Variants in CPED1 observed in about 807,000 individuals in gnomAD.
CPED1 encodes cadherin-like and PC-esterase domain-containing protein 1.
Under a neutral mutation model 128.2 loss-of-function variants are expected in CPED1, and 114 were observed. That is an observed-to-expected ratio of 0.89 (90% CI 0.76 to 1.04). The LOEUF is 1.04. Ranked by LOEUF, CPED1 falls within the 50% of genes least tolerant of loss-of-function variation. The pLI is 0.00. For synonymous variants in CPED1, 462 were observed against 426.7 expected (o/e 1.08, Z -1.02); for missense variants, 1,211 against 1,207.1 (o/e 1.00, Z -0.05).
intron 5 of CPED1, among the ~76,000 whole-genome samples, 189 bp from the exon 6 acceptor site, chr7:121,097,510 T>C (rs955097585): frequency 3.9e-5 from 6 of 152,154 alleles, no homozygotes; most frequent in African/African-American, 1.4e-4. Flanking sequence ...TAAGAGAACA[T>C]ATGGCAAACA....
chr7:121,275,237 C>T (rs1479749461), intron 22 of CPED1, among the ~76,000 whole-genome samples: 1 of 152,198 alleles, frequency 6.6e-6, no homozygotes. Context: ...GTGTTTCTTT[C>T]ATCCGTCAAG....
intron 22 of CPED1, among the ~76,000 whole-genome samples, chr7:121,273,258 C>T (rs1301768250): frequency 1.3e-5 from 2 of 151,924 alleles, no homozygotes; most frequent in East Asian, 3.9e-4. Context: ...TGTGGTAGCT[C>T]ACACCTGTAA....
At chr7:121,070,876 T>C (rs1793970744) in intron 5 of CPED1, among the ~76,000 whole-genome samples, 3 of 152,146 alleles carry the variant, frequency 2.0e-5, no homozygotes, top group African/African-American at 7.2e-5. Context: ...AGCAAGTTTA[T>C]TAGGTCTGCT....
intron 22 of CPED1, among the ~76,000 whole-genome samples, chr7:121,286,061 A>G (rs189169715): frequency 6.6e-6 from 1 of 152,290 alleles, no homozygotes; most frequent in East Asian, 1.9e-4. Flanking sequence ...AAACTTAACA[A>G]TCATAGTGGA....
intron 16 of CPED1, among the ~76,000 whole-genome samples, chr7:121,161,276 T>A (rs1327294348): frequency 6.6e-6 from 1 of 152,070 alleles, no homozygotes; most frequent in Non-Finnish European, 1.5e-5. Flanking sequence ...CTCACTGGGG[T>A]TGCTGGCAGA....
intron 2 of CPED1, 22 bp downstream of exon 2, chr7:120,989,892 C>T (rs371277905): frequency 3.7e-6 from 6 of 1,612,264 alleles, no homozygotes; most frequent in Admixed American, 3.3e-5. Context: ...ATAAGCTTAA[C>T]GGAGACAGTT....
chr7:121,285,813 CCAAA>C (rs1049458716), intron 22 of CPED1, among the ~76,000 whole-genome samples: 1 of 152,154 alleles, frequency 6.6e-6, no homozygotes, highest in Non-Finnish European at 1.5e-5. Flanking sequence ...CTAGGAAGTT[CCAAA>C]CATTTTCCTG....
At chr7:121,097,871 T>G in intron 6 of CPED1, 40 bp downstream of exon 6, 8 of 1,606,252 alleles carry the variant, frequency 5.0e-6, no homozygotes, top group Non-Finnish European at 6.8e-6. Flanking sequence ...CAGCATGCAT[T>G]GTAGGAGACA....
intron 2 of CPED1, among the ~76,000 whole-genome samples, chr7:121,002,554 T>A (rs543270623): frequency 6.6e-6 from 1 of 152,318 alleles, no homozygotes; most frequent in African/African-American, 2.4e-5. Context: ...CTTATCTAAG[T>A]ATTTTAGAAC....
chr7:121,189,760 TTATATATATA>T lies in CPED1; in HGVS notation c.2056-46925_2056-46916del, dbSNP rs377035175. On this transcript the variant is annotated intron_variant, in intron 16 of 22. Transcript: ENST00000310396. ...TCTTATTTTACTTTCTTATGAGGTT[TTATATATATA>T]TATATATATATATATATATATATAT... Among the ~76,000 whole-genome samples, 115 of 47,474 alleles carry T rather than the reference TTATATATATA, an allele frequency of 2.4e-3. 5 individuals are homozygous for T. Among genetic ancestry groups the T allele is most frequent in the African/African-American group, 7.9e-3 (98 of 12,338 alleles). The allele number at this position is 47,474 out of a possible 152,430, so 31.1% of individuals were successfully genotyped here.
intron 11 of CPED1, among the ~76,000 whole-genome samples, chr7:121,129,506 A>C (rs1795610432): frequency 6.6e-6 from 1 of 151,402 alleles, no homozygotes; most frequent in East Asian, 1.9e-4. Flanking sequence ...CATTTTAACT[A>C]TTTTAAACGT....
chr7:121,172,003 G>T (rs1165575396), intron 16 of CPED1, among the ~76,000 whole-genome samples: 1 of 152,120 alleles, frequency 6.6e-6, no homozygotes, highest in Non-Finnish European at 1.5e-5. Flanking sequence ...GAATAGGAAG[G>T]CGCTGAGGTG....
At chr7:121,073,820 T>A (rs967050106) in intron 5 of CPED1, among the ~76,000 whole-genome samples, 1 of 151,812 alleles carries the variant, frequency 6.6e-6, no homozygotes. Flanking sequence ...TTTTTTTTTT[T>A]TTTTTTGCCA....
At chr7:121,223,417 T>C (rs1193715574) in intron 16 of CPED1, among the ~76,000 whole-genome samples, 2 of 152,194 alleles carry the variant, frequency 1.3e-5, no homozygotes, top group Admixed American at 1.3e-4. Context: ...TCTACAATTC[T>C]CTTTTTTTGT....
At chr7:121,028,115 G>A (rs1792641620) in intron 3 of CPED1, among the ~76,000 whole-genome samples, 1 of 152,162 alleles carries the variant, frequency 6.6e-6, no homozygotes, top group Non-Finnish European at 1.5e-5. Flanking sequence ...GCATGCGTCA[G>A]TGTTCTCTGG....
chr7:121,266,915 A>G (rs1792138600), intron 20 of CPED1, 107 bp downstream of exon 20: 1 of 775,482 alleles, frequency 1.3e-6, no homozygotes, highest in African/African-American at 1.8e-5. Flanking sequence ...CTTATAATTT[A>G]TCATTAAGTA....
intron 16 of CPED1, among the ~76,000 whole-genome samples, chr7:121,155,952 T>C (rs1012282407): frequency 2.6e-5 from 4 of 152,140 alleles, no homozygotes; most frequent in Non-Finnish European, 4.4e-5. Context: ...AGTGTCCATA[T>C]AACAAGGATT....
chr7:120,992,341 A>G (rs1272960924), intron 2 of CPED1, among the ~76,000 whole-genome samples: 3 of 152,170 alleles, frequency 2.0e-5, no homozygotes, highest in African/African-American at 7.2e-5. Context: ...AGTTACTTAA[A>G]CCAGCTGATT....
At chr7:121,185,145 T>A (rs1328996572) in intron 16 of CPED1, among the ~76,000 whole-genome samples, 1 of 152,104 alleles carries the variant, frequency 6.6e-6, no homozygotes, top group Non-Finnish European at 1.5e-5. Context: ...CAAAGCAGAA[T>A]CAAATTCTCC....
Sources: allele counts gnomAD v4.1 joint callset (sites outside exome capture counted in the v4.1 genomes callset), GRCh38; gene constraint gnomAD v4.1.1; transcripts MANE v1.5; gene names NCBI Gene and HGNC (gene_info 2026-07-23, HGNC 2026-07-21).